PDHA1: variants seen among roughly 807,000 people sequenced by gnomAD.
The protein encoded by PDHA1 is pyruvate dehydrogenase E1 component subunit alpha, somatic form, mitochondrial.
PDHA1 carries 1 observed loss-of-function variant against 33.0 expected under a neutral mutation model. The observed-to-expected ratio is 0.03, with a 90% CI of 0.01 to 0.14. The LOEUF (loss-of-function observed/expected upper bound fraction) is 0.14. PDHA1 is among the 10% of genes least tolerant of loss of function. PDHA1 has a pLI of 1.00. For synonymous variants in PDHA1, 123 were observed against 119.2 expected, an observed-to-expected ratio of 1.03 and a Z score of -0.21; for missense variants, 168 against 325.1, an observed-to-expected ratio of 0.52 and a Z score of 3.72.
intron 9 of PDHA1, among the ~76,000 whole-genome samples, chrX:19,358,353 A>ATGGTAGAATCCTTTTAGTGTTAC (rs2063220805): frequency 8.9e-6 from 1 of 112,107 alleles, no homozygotes; most frequent in Non-Finnish European, 1.9e-5. Context: ...ATTGTTGAAA[A>ATGGTAGAATCCTTTTAGTGTTAC]TGGTAGAATC....
At chrX:19,350,279 A>G (rs1298864436) in intron 3 of PDHA1, among the ~76,000 whole-genome samples, 169 bp downstream of exon 3, 2 of 111,473 alleles carry the variant, frequency 1.8e-5, no homozygotes, top group African/African-American at 6.5e-5. Flanking sequence ...CCCAGGTTAG[A>G]GTACAGTGGT....
Position 19,355,733 on chromosome X carries a change from T to C in PDHA1, c.807T>C (p.Ala269=), listed in dbSNP as rs2063192689. Reference sequence around the variant, plus strand: ...GCGTCCGAGAGGCAACAAGGTTTGCTGCTGCCTATTGTAGATCTGGGAAGG... The same window carrying C: ...GCGTCCGAGAGGCAACAAGGTTTGCCGCTGCCTATTGTAGATCTGGGAAGG... ...ILCVREATRF[A]AAYCRSGKGP... The change falls in exon 8 of 11, where the codon GCT becomes GCC. Residue 269 remains alanine (A), a synonymous_variant. Coordinates refer to ENST00000422285, the MANE Select transcript of PDHA1 (RefSeq NM_000284.4). 2.5e-6 allele frequency: 3 copies of C among 1,205,372 alleles called. No individual in the cohort carries two copies. The highest frequency in any genetic ancestry group is 2.2e-6 in the Non-Finnish European group (2 of 889,490).
chrX:19,353,189 G>C lies in PDHA1; in HGVS notation c.510+16G>C. The C allele has an allele frequency of 8.7e-7, 1 of 1,150,462 alleles. No individual in the cohort carries two copies. The highest frequency in any genetic ancestry group is 1.2e-6 in the Non-Finnish European group (1 of 839,214). 94.8% of individuals were successfully genotyped at this position (1,150,462 alleles called of 1,213,427 possible). ...GGGAGCGCAGGTAGTCAAGGACGAG[G>C]ATTGTGTGCTGCTTTAGATTTGGCC... On this transcript the variant is annotated intron_variant, in intron 5 of 10. Coordinates refer to ENST00000422285, the MANE Select transcript of PDHA1 (RefSeq NM_000284.4).
At position 19,361,432 on chromosome X, in the gene PDHA1, A is replaced by T. The variant is rs758279534; in HGVS notation, c.*1779A>T. ...TTCAACAATCTGAAACAAAGATCAGATCCTTAAGAGCTGAGCAGCTGTGTA... is the reference window on the plus strand; with the variant it reads ...TTCAACAATCTGAAACAAAGATCAGTTCCTTAAGAGCTGAGCAGCTGTGTA... On this transcript the variant is annotated 3_prime_UTR_variant, in exon 11 of 11. Transcript: ENST00000422285. The T allele has an allele frequency of 1.7e-5, 20 of 1,193,414 alleles. No homozygotes were observed. Among genetic ancestry groups the T allele is most frequent in the Non-Finnish European group, 2.3e-5 (20 of 880,239 alleles).
Position 19,355,710 on chromosome X carries a change from G to A in PDHA1, c.784G>A (p.Val262Ile), listed in dbSNP as rs202166915. The change falls in exon 8 of 11, where the codon GTC (valine) becomes ATC (isoleucine). Residue 262 changes from valine to isoleucine, a missense_variant. Transcript: ENST00000422285. Reference protein sequence around the residue: ...LRVDGMDILCVREATRFAAAY... With the variant: ...LRVDGMDILCIREATRFAAAY... Reference sequence around the variant, plus strand: ...GGTGGATGGAATGGATATCCTGTGCGTCCGAGAGGCAACAAGGTTTGCTGC... The same window carrying A: ...GGTGGATGGAATGGATATCCTGTGCATCCGAGAGGCAACAAGGTTTGCTGC... 1.6e-4 allele frequency: 198 copies of A among 1,208,056 alleles called. No homozygotes were observed. The highest frequency in any genetic ancestry group is 2.3e-4 in the Middle Eastern group (1 of 4,345).
At chrX:19,358,624 C>G (rs534358617) in intron 9 of PDHA1, among the ~76,000 whole-genome samples, 1 of 111,721 alleles carries the variant, frequency 9.0e-6, no homozygotes, top group South Asian at 3.7e-4. Flanking sequence ...AAACTTGGCC[C>G]CTGTTGTCGG....
In PDHA1 at chrX:19,360,958, CGT is replaced by C; in HGVS notation, c.*1308_*1309del. 1 of 489,382 alleles carries C rather than the reference CGT, an allele frequency of 2.0e-6. No homozygotes were observed. The highest frequency in any genetic ancestry group is 3.4e-6 in the Non-Finnish European group (1 of 296,776). 40.3% of individuals were successfully genotyped at this position (489,382 alleles called of 1,213,427 possible). A position where few individuals can be genotyped will look rare whatever the true frequency, so the allele number is the denominator to read the frequency against. ...TCTCCTCACATATGGAGGTGACGCT[CGT>C]GTCCCAGCAGTAGTAGGACATGGCC... On this transcript the variant is annotated 3_prime_UTR_variant, in exon 11 of 11. Transcript: ENST00000422285.
At chrX:19,358,705 T>C (rs764230048) in intron 9 of PDHA1, among the ~76,000 whole-genome samples, 36 of 112,069 alleles carry the variant, frequency 3.2e-4, no homozygotes, top group Middle Eastern at 9.1e-3. Flanking sequence ...TATTACAGAA[T>C]GTTAGGCTGC....
chrX:19,350,341 C>T (rs2063156649), intron 3 of PDHA1, among the ~76,000 whole-genome samples: 1 of 112,054 alleles, frequency 8.9e-6, no homozygotes, highest in South Asian at 3.7e-4. Flanking sequence ...TCTTGGCTCA[C>T]TGCAGCCTCT....
intron 4 of PDHA1, among the ~76,000 whole-genome samples, chrX:19,351,944 A>G (rs1027044196): frequency 1.9e-4 from 21 of 108,352 alleles, no homozygotes; most frequent in Admixed American, 1.6e-3. Context: ...GACTACAGGC[A>G]TGCACCACCA....
intron 4 of PDHA1, among the ~76,000 whole-genome samples, chrX:19,351,772 G>T (rs868749569): frequency 9.8e-6 from 1 of 101,848 alleles, no homozygotes; most frequent in Middle Eastern, 4.6e-3. Context: ...TTTGTCCCCC[G>T]TGACTATTTG....
chrX:19,353,885 G>A (rs900357312), intron 5 of PDHA1, among the ~76,000 whole-genome samples: 2 of 111,002 alleles, frequency 1.8e-5, no homozygotes, highest in Non-Finnish European at 3.8e-5. Flanking sequence ...AATTATATCC[G>A]GACTGTTTCT....
At chrX:19,346,790 T>C (rs2063137205) in intron 1 of PDHA1, among the ~76,000 whole-genome samples, 1 of 112,584 alleles carries the variant, frequency 8.9e-6, no homozygotes. Context: ...TAAAATGTTA[T>C]TTTATTGTTT....
chrX:19,355,840 T>A, intron 8 of PDHA1, 83 bp downstream of exon 8: 1 of 704,544 alleles, frequency 1.4e-6, no homozygotes, highest in Non-Finnish European at 2.3e-6. Flanking sequence ...CTGAAGCTGT[T>A]AGTGGGTACC....
In PDHA1 at chrX:19,360,683, C is replaced by T. The variant is rs1030416947; in HGVS notation, c.*1030C>T. The T allele has an allele frequency of 2.9e-5, 25 of 865,947 alleles. No homozygotes were observed. Among genetic ancestry groups the T allele is most frequent in the Non-Finnish European group, 4.2e-5 (25 of 590,543 alleles). 71.4% of individuals were successfully genotyped at this position (865,947 alleles called of 1,213,427 possible). On this transcript the variant is annotated 3_prime_UTR_variant, in exon 11 of 11. Coordinates refer to ENST00000422285, the MANE Select transcript of PDHA1 (RefSeq NM_000284.4). Reference sequence around the variant, plus strand: ...AAACACAGCGGAATTCGTGTATACACTAACAGAAGCTTTAACAAAACATGT... The same window carrying T: ...AAACACAGCGGAATTCGTGTATACATTAACAGAAGCTTTAACAAAACATGT...
intron 7 of PDHA1, 56 bp downstream of exon 7, chrX:19,355,560 G>A: frequency 8.5e-7 from 1 of 1,173,119 alleles, no homozygotes; most frequent in Non-Finnish European, 1.2e-6. Context: ...GTATGTCCTT[G>A]TGCAGACCCT....
At chrX:19,357,533 G>T in intron 8 of PDHA1, 119 bp from the exon 9 acceptor site, 2 of 590,758 alleles carry the variant, frequency 3.4e-6, no homozygotes, top group Non-Finnish European at 6.1e-6. Context: ...CAACTCAGAA[G>T]ATCTGATAAG....
In PDHA1 at chrX:19,360,845, A is replaced by C; in HGVS notation, c.*1192A>C. On this transcript the variant is annotated 3_prime_UTR_variant, in exon 11 of 11. Coordinates refer to ENST00000422285, the MANE Select transcript of PDHA1 (RefSeq NM_000284.4). ...AGAGGAGACCACCCCTGGGAAACAA[A>C]CACAGCTGTCTTCAGAGTCAGTGCT... 1 of 1,148,273 alleles carries C rather than the reference A, an allele frequency of 8.7e-7. No individual in the cohort carries two copies. The allele number at this position is 1,148,273 out of a possible 1,213,427, so 94.6% of individuals were successfully genotyped here. A position where few individuals can be genotyped will look rare whatever the true frequency, so the allele number is the denominator to read the frequency against.
In PDHA1 at chrX:19,360,836, G is replaced by A. The variant is rs1236136610; in HGVS notation, c.*1183G>A. ...AGAGTCTGCAGAGGAGACCACCCCT[G>A]GGAAACAAACACAGCTGTCTTCAGA... On this transcript the variant is annotated 3_prime_UTR_variant, in exon 11 of 11. Transcript: ENST00000422285. The A allele has an allele frequency of 5.9e-6, 7 of 1,191,401 alleles. No individual in the cohort carries two copies. In the African/African-American group the frequency reaches 1.1e-4, roughly 18 times the overall value.
Sources: gnomAD v4.1 joint callset for allele counts (sites outside exome capture counted in the v4.1 genomes callset) on GRCh38, gnomAD v4.1.1 for gene constraint, MANE v1.5 for transcripts, NCBI Gene and HGNC (gene_info 2026-07-23, HGNC 2026-07-21) for gene names.